The following FBN2 variants were observed in gnomAD, a reference collection of about 807,000 sequenced individuals.
The protein encoded by FBN2 is fibrillin 2.
In FBN2, 105 loss-of-function variants were observed where a neutral mutation model predicts 355.6. That is an observed-to-expected ratio of 0.30 (90% CI 0.25 to 0.35). The LOEUF (loss-of-function observed/expected upper bound fraction) is 0.35, where lower values mean the gene tolerates loss of function less well. Ranked by LOEUF, FBN2 falls within the 10% of genes least tolerant of loss-of-function variation. FBN2 has a pLI of 1.00. For missense variants in FBN2, 3,280 were observed against 3,758.7 expected (o/e 0.87, Z 3.33); for synonymous variants, 1,350 against 1,301.2 (o/e 1.04, Z -0.81).
intron 7 of FBN2, among the ~76,000 whole-genome samples, chr5:128,444,089 G>A (rs1448593329): frequency 4.5e-5 from 5 of 111,770 alleles, no homozygotes; most frequent in Middle Eastern, 8.5e-3. Context: ...TTTTTGAGAC[G>A]GAGTCTCGCT....
chr5:128,278,436 C>G (rs936387811), intron 57 of FBN2, among the ~76,000 whole-genome samples, 199 bp downstream of exon 57: 3 of 152,128 alleles, frequency 2.0e-5, no homozygotes, highest in Non-Finnish European at 4.4e-5. Flanking sequence ...AGATTAACTC[C>G]TAAAATCTCT....
At chr5:128,361,601 G>T in intron 19 of FBN2, 122 bp downstream of exon 19, 4 of 1,254,652 alleles carry the variant, frequency 3.2e-6, no homozygotes, top group South Asian at 1.2e-5. Flanking sequence ...AGCTAAATGA[G>T]ATTATAAAAT....
chr5:128,339,035 C>T lies in FBN2; in HGVS notation c.3370G>A (p.Asp1124Asn). 1 of 1,614,022 alleles carries T rather than the reference C, an allele frequency of 6.2e-7. No homozygotes were observed. Residue 1124 changes from aspartate (D) to asparagine (N), a missense_variant, in exon 26 of 65, where the codon GAC becomes AAC. Asp to Asn is a conservative substitution (Grantham distance 23, BLOSUM62 1). Around this residue, in one of 6 missense-constraint regions of FBN2, gnomAD observed 2,284 missense variants for 2,749.5 expected, o/e 0.83. Transcript: ENST00000262464. The part of the protein sequence containing the change: ...TDIDECRISP[D>N]LCGSGICVNT... Reference sequence around the variant, plus strand: ...ACGCAGATTCCACTGCCACAGAGGTCAGGAGAAATCCTGCACTCGTCGATG... The same window carrying T: ...ACGCAGATTCCACTGCCACAGAGGTTAGGAGAAATCCTGCACTCGTCGATG...
chr5:128,425,759 A>T (rs895924276), intron 7 of FBN2, among the ~76,000 whole-genome samples: 1 of 152,218 alleles, frequency 6.6e-6, no homozygotes, highest in Non-Finnish European at 1.5e-5. Flanking sequence ...TTCACACTTA[A>T]TATCATAAAA....
At chr5:128,423,573 TG>T (rs1346994823) in intron 7 of FBN2, among the ~76,000 whole-genome samples, 2 of 152,018 alleles carry the variant, frequency 1.3e-5, no homozygotes, top group African/African-American at 2.4e-5. Flanking sequence ...GAGATTTGGG[TG>T]GGGACACAGC....
chr5:128,438,053 T>A (rs1304656757), intron 7 of FBN2, among the ~76,000 whole-genome samples: 2 of 152,210 alleles, frequency 1.3e-5, no homozygotes, highest in Non-Finnish European at 2.9e-5. Context: ...TGCAGTGGCA[T>A]GATCCCAGGT....
Position 128,290,630 on chromosome 5 carries a change from T to C in FBN2, c.6445+102A>G, listed in dbSNP as rs1156334095. 36 of 1,193,990 alleles carry C rather than the reference T, an allele frequency of 3.0e-5. No individual in the cohort carries two copies. In the Admixed American group the frequency reaches 6.0e-4, roughly 20 times the overall value. The allele number at this position is 1,193,990 out of a possible 1,614,324, so 74.0% of individuals were successfully genotyped here. On this transcript the variant is annotated intron_variant, in intron 50 of 64. Transcript: ENST00000262464. ...TCAAAACTTATATGCAAGGAGATGA[T>C]TTCACTCTCAAAATATTCTTAAATT...
intron 34 of FBN2, among the ~76,000 whole-genome samples, chr5:128,322,536 T>C (rs188504805): frequency 5.9e-5 from 9 of 152,354 alleles, no homozygotes; most frequent in African/African-American, 1.7e-4. Flanking sequence ...ATTTATTAAA[T>C]AGGGAATCCT....
intron 6 of FBN2, among the ~76,000 whole-genome samples, chr5:128,464,480 C>T (rs968793102): frequency 5.3e-5 from 8 of 152,132 alleles, no homozygotes; most frequent in African/African-American, 1.4e-4. Flanking sequence ...AAATATTTTA[C>T]ACTGTATTTT....
At chr5:128,438,159 T>C (rs1753824879) in intron 7 of FBN2, among the ~76,000 whole-genome samples, 1 of 152,158 alleles carries the variant, frequency 6.6e-6, no homozygotes, top group African/African-American at 2.4e-5. Flanking sequence ...GTCTGGCTAA[T>C]TTTTGTATTT....
chr5:128,418,542 G>A (rs577767972), intron 7 of FBN2, among the ~76,000 whole-genome samples: 4 of 151,964 alleles, frequency 2.6e-5, no homozygotes, highest in East Asian at 1.9e-4. Flanking sequence ...GGTATGTTGC[G>A]TTTCCATTGT....
intron 5 of FBN2, among the ~76,000 whole-genome samples, chr5:128,505,347 T>C (rs775010115): frequency 1.2e-4 from 18 of 152,200 alleles, no homozygotes; most frequent in Non-Finnish European, 2.4e-4. Context: ...TCCCTCACTG[T>C]GTTTCCCTAA....
At chr5:128,532,079 A>C (rs1477549174) in intron 2 of FBN2, among the ~76,000 whole-genome samples, 1 of 152,154 alleles carries the variant, frequency 6.6e-6, no homozygotes, top group East Asian at 1.9e-4. Context: ...AATTGGCTGA[A>C]CCAGAGGCTC....
intron 60 of FBN2, 59 bp downstream of exon 60, chr5:128,274,508 A>G: frequency 1.1e-6 from 1 of 886,394 alleles, no homozygotes; most frequent in Non-Finnish European, 1.9e-6. Context: ...AATTTTAAAT[A>G]TAATTTTTAT....
At chr5:128,490,521 T>C (rs1755471883) in intron 5 of FBN2, among the ~76,000 whole-genome samples, 1 of 152,202 alleles carries the variant, frequency 6.6e-6, no homozygotes, top group Non-Finnish European at 1.5e-5. Flanking sequence ...TTTTATGTAC[T>C]GGGAAGTGAA....
In FBN2 at chr5:128,286,772, T is replaced by C; in HGVS notation, c.6958A>G (p.Met2320Val). ...GCCATTCCAGGAGGGCAGATGCACA[T>C]GAAGGTGCCGATTAGATTCTTACAC... is the stretch of plus-strand genomic sequence containing the variant. Reference protein sequence around the residue: ...MMCKNLIGTFMCICPPGMARR... With the variant: ...MMCKNLIGTFVCICPPGMARR... The change falls in exon 55 of 65, where the codon ATG (methionine) becomes GTG (valine). Residue 2320 changes from methionine to valine, a missense_variant. Met to Val is a conservative substitution (Grantham distance 21). Coordinates refer to ENST00000262464, the MANE Select transcript of FBN2 (RefSeq NM_001999.4). 1 of 1,614,170 alleles carries C rather than the reference T, an allele frequency of 6.2e-7. No individual in the cohort carries two copies. The highest frequency in any genetic ancestry group is 8.5e-7 in the Non-Finnish European group (1 of 1,179,980).
intron 7 of FBN2, among the ~76,000 whole-genome samples, chr5:128,412,013 C>A (rs1184458784): frequency 6.6e-6 from 1 of 152,154 alleles, no homozygotes; most frequent in African/African-American, 2.4e-5. Flanking sequence ...CAAGTCTGCT[C>A]ATGGGAAAAA....
intron 6 of FBN2, among the ~76,000 whole-genome samples, chr5:128,455,401 A>G (rs1294476879): frequency 6.6e-6 from 1 of 152,198 alleles, no homozygotes; most frequent in African/African-American, 2.4e-5. Context: ...TCTCAATATT[A>G]AAGCCATCAA....
At chr5:128,318,039 GTTTTGT>G in intron 36 of FBN2, 104 bp downstream of exon 36, 1 of 1,159,976 alleles carries the variant, frequency 8.6e-7, no homozygotes, top group Non-Finnish European at 1.3e-6. Flanking sequence ...ACCACATAAT[GTTTTGT>G]TTTTAAGTTA....
Sources: allele counts gnomAD v4.1 joint callset (sites outside exome capture counted in the v4.1 genomes callset), GRCh38; gene constraint gnomAD v4.1.1; regional missense constraint gnomAD v4.1.1; transcripts MANE v1.5; gene names NCBI Gene and HGNC (gene_info 2026-07-23, HGNC 2026-07-21).